TMCC1: variants seen among roughly 807,000 people sequenced by gnomAD.
The protein encoded by TMCC1 is transmembrane and coiled-coil domains protein 1.
A neutral mutation model predicts 52.4 loss-of-function variants in TMCC1; 15 were observed. That is an observed-to-expected ratio of 0.29 (90% confidence interval 0.19 to 0.44). The LOEUF (loss-of-function observed/expected upper bound fraction) is 0.44. Among genes scored for constraint, TMCC1 ranks in the 20% least tolerant of loss-of-function variants. The pLI is 1.00. For missense variants in TMCC1, 503 were observed against 806.0 expected, an observed-to-expected ratio of 0.62 and a Z score of 4.55; for synonymous variants, 279 against 301.9, an observed-to-expected ratio of 0.92 and a Z score of 0.79.
At chr3:129,658,253 A>G (rs2086798291) in intron 5 of TMCC1, among the ~76,000 whole-genome samples, 2 of 152,220 alleles carry the variant, frequency 1.3e-5, no homozygotes, top group Admixed American at 1.3e-4. Flanking sequence ...ACTACAAAAT[A>G]GGCTGACTTA....
intron 4 of TMCC1, among the ~76,000 whole-genome samples, chr3:129,681,118 A>C (rs1347926327): frequency 6.6e-6 from 1 of 152,148 alleles, no homozygotes; most frequent in Non-Finnish European, 1.5e-5. Flanking sequence ...AATATGTAAA[A>C]TGTGTATATT....
intron 4 of TMCC1, among the ~76,000 whole-genome samples, chr3:129,797,624 G>C (rs1207065922): frequency 6.6e-6 from 1 of 150,634 alleles, no homozygotes; most frequent in Non-Finnish European, 1.5e-5. Flanking sequence ...ATGAGTAGGT[G>C]GTCCCAGCTA....
chr3:129,851,192 CA>C (rs1186611582), intron 2 of TMCC1, among the ~76,000 whole-genome samples: 2 of 149,310 alleles, frequency 1.3e-5, no homozygotes, highest in African/African-American at 4.9e-5. Context: ...CAGAGTCATC[CA>C]AACATGTTTT....
At chr3:129,655,184 C>T in intron 5 of TMCC1, 81 bp from the exon 6 acceptor site, 1 of 1,517,000 alleles carries the variant, frequency 6.6e-7, no homozygotes, top group Non-Finnish European at 8.9e-7. Flanking sequence ...ACTCCCAAAA[C>T]ACATTCTACA....
At chr3:129,873,127 C>T (rs2061011382) in intron 2 of TMCC1, among the ~76,000 whole-genome samples, 1 of 152,082 alleles carries the variant, frequency 6.6e-6, no homozygotes, top group South Asian at 2.1e-4. Flanking sequence ...TCTCAAACTC[C>T]TGATCTCAGG....
At chr3:129,728,916 G>A (rs1395113364) in intron 4 of TMCC1, among the ~76,000 whole-genome samples, 1 of 152,034 alleles carries the variant, frequency 6.6e-6, no homozygotes, top group East Asian at 1.9e-4. Context: ...CCTTTTCATT[G>A]CTGAGTAGTA....
chr3:129,684,775 G>T (rs781431124), intron 4 of TMCC1, among the ~76,000 whole-genome samples: 35 of 152,220 alleles, frequency 2.3e-4, no homozygotes, highest in Non-Finnish European at 5.1e-4. Flanking sequence ...TTGTATCTAG[G>T]TATCTGCGGG....
chr3:129,664,843 A>G (rs1191099061), intron 5 of TMCC1, among the ~76,000 whole-genome samples: 1 of 152,230 alleles, frequency 6.6e-6, no homozygotes, highest in Non-Finnish European at 1.5e-5. Flanking sequence ...ACTAATCCTC[A>G]GTTTCTAGCA....
chr3:129,890,071 G>C (rs1442482765), intron 1 of TMCC1, among the ~76,000 whole-genome samples: 2 of 152,134 alleles, frequency 1.3e-5, no homozygotes, highest in Non-Finnish European at 2.9e-5. Flanking sequence ...GGGATCACTT[G>C]AGGCCAGGAG....
At chr3:129,678,213 C>G (rs2088632534) in intron 4 of TMCC1, among the ~76,000 whole-genome samples, 1 of 152,042 alleles carries the variant, frequency 6.6e-6, no homozygotes, top group Non-Finnish European at 1.5e-5. Context: ...AGCCACCACG[C>G]CTGGCCAATT....
intron 4 of TMCC1, among the ~76,000 whole-genome samples, chr3:129,802,387 G>A (rs2057244907): frequency 6.6e-6 from 1 of 152,170 alleles, no homozygotes; most frequent in Admixed American, 6.5e-5. Flanking sequence ...TCATCAAGAT[G>A]GTGAACTAGG....
chr3:129,759,680 T>C (rs1247287148), intron 4 of TMCC1, among the ~76,000 whole-genome samples: 1 of 146,026 alleles, frequency 6.8e-6, no homozygotes, highest in African/African-American at 2.5e-5. Flanking sequence ...GCCCCCCGTC[T>C]ACAGGCATGA....
rs150674121 is a variant in TMCC1 at position 129,651,466 on chromosome 3, C to T, written c.*15G>A. The T allele has an allele frequency of 8.7e-6, 14 of 1,607,618 alleles. No homozygotes were observed. The highest frequency in any genetic ancestry group is 1.1e-5 in the South Asian group (1 of 90,226). On this transcript the variant is annotated 3_prime_UTR_variant, in exon 7 of 7. Transcript: ENST00000393238. The surrounding 1 kb of genome is among the most constrained non-coding windows in gnomAD (Gnocchi z 5.1). ...ACTCGCCAGAGGGTAGGGAACAATG[C>T]CTTCTGTGCCAGCATCATCTAGGGG...
chr3:129,700,870 C>G (rs1442321087), intron 4 of TMCC1, among the ~76,000 whole-genome samples: 1 of 152,178 alleles, frequency 6.6e-6, no homozygotes, highest in Non-Finnish European at 1.5e-5. Flanking sequence ...TACCCTCCCC[C>G]ATTATTCGGA....
intron 4 of TMCC1, among the ~76,000 whole-genome samples, chr3:129,797,748 AAAAC>A (rs759224601): frequency 1.6e-4 from 25 of 152,320 alleles, no homozygotes; most frequent in African/African-American, 2.2e-4. Context: ...GTCTCAAAAC[AAAAC>A]AAACAAACAA....
intron 4 of TMCC1, among the ~76,000 whole-genome samples, chr3:129,769,714 A>C (rs1400142606): frequency 6.6e-6 from 1 of 152,048 alleles, no homozygotes; most frequent in Non-Finnish European, 1.5e-5. Flanking sequence ...ATGTTCTTAC[A>C]CTAACATCTG....
chr3:129,764,789 ATTTTTTTTTTTTTTT>A (rs543540842), intron 4 of TMCC1, among the ~76,000 whole-genome samples: 10 of 34,988 alleles, frequency 2.9e-4, no homozygotes, highest in Non-Finnish European at 4.4e-4. Context: ...ATATATATAT[ATTTTTTTTTTTTTTT>A]TTTTTTTTTT....
At chr3:129,835,771 T>C (rs1187203897) in intron 2 of TMCC1, among the ~76,000 whole-genome samples, 1 of 152,204 alleles carries the variant, frequency 6.6e-6, no homozygotes, top group African/African-American at 2.4e-5. Context: ...AGGTAACTGG[T>C]AACTAATGTT....
At chr3:129,844,086 T>C (rs866539097) in intron 2 of TMCC1, among the ~76,000 whole-genome samples, 15 of 152,276 alleles carry the variant, frequency 9.9e-5, no homozygotes, top group African/African-American at 3.6e-4. Flanking sequence ...CAAAAATCAA[T>C]GTAGTTCACC....
Sources: gnomAD v4.1 joint callset for allele counts (sites outside exome capture counted in the v4.1 genomes callset) on GRCh38, gnomAD v4.1.1 for gene constraint, Gnocchi (gnomAD v3.1) non-coding constraint, MANE v1.5 for transcripts, NCBI Gene and HGNC (gene_info 2026-07-23, HGNC 2026-07-21) for gene names.